The following SETD4 variants were observed in gnomAD, a reference collection of about 807,000 sequenced individuals.
SETD4 encodes the protein SET domain-containing protein 4.
Under a neutral mutation model 58.3 loss-of-function variants are expected in SETD4, and 46 were observed. The ratio of observed to expected loss-of-function variants is 0.79; its 90% confidence interval spans 0.62 to 1.01. The LOEUF (loss-of-function observed/expected upper bound fraction) is 1.01. Ranked by LOEUF, SETD4 falls within the 50% of genes least tolerant of loss-of-function variation. The probability of loss-of-function intolerance (pLI) is 0.00; values close to 1 mark genes in which losing one functional copy is unlikely to be tolerated. For missense variants in SETD4, 490 were observed against 523.3 expected, an observed-to-expected ratio of 0.94 and a Z score of 0.62; for synonymous variants, 190 against 202.6, an observed-to-expected ratio of 0.94 and a Z score of 0.53.
At position 36,051,160 on chromosome 21, in the gene SETD4, G is replaced by GT; in HGVS notation, c.207+2422dup. 2.5e-6 allele frequency: 4 copies of GT among 1,571,112 alleles called. No homozygotes were observed. The South Asian group carries it at 3.3e-5, about 13-fold the overall frequency. Reference sequence around the variant, plus strand: ...CTACCCTCTGGCCAGCTCACCCAGCGTATGTCCCTGCTCTCTGTGGTGTCC... The same window carrying GT: ...CTACCCTCTGGCCAGCTCACCCAGCGTTATGTCCCTGCTCTCTGTGGTGTCC... On this transcript the variant is annotated intron_variant, in intron 4 of 11. Coordinates refer to ENST00000332131, the MANE Select transcript of SETD4 (RefSeq NM_017438.5).
intron 6 of SETD4, among the ~76,000 whole-genome samples, chr21:36,044,846 A>C (rs1445129959): frequency 6.6e-6 from 1 of 152,156 alleles, no homozygotes; most frequent in African/African-American, 2.4e-5. Context: ...ACACACCCCA[A>C]AGTGGTTACA....
intron 1 of SETD4, 136 bp downstream of exon 1, chr21:36,060,211 T>C (rs1449878987): frequency 3.7e-6 from 3 of 819,246 alleles, no homozygotes; most frequent in East Asian, 2.5e-4. Context: ...CGATAATGCC[T>C]GCCCTGGAGG....
intron 4 of SETD4, 87 bp from the exon 5 acceptor site, chr21:36,048,483 A>G (rs1318591664): frequency 2.6e-6 from 3 of 1,169,198 alleles, no homozygotes; most frequent in Non-Finnish European, 3.9e-6. Context: ...TGATCCCACA[A>G]TCACCTACCA....
At chr21:36,047,113 G>A (rs1357722286) in intron 5 of SETD4, among the ~76,000 whole-genome samples, 1 of 152,072 alleles carries the variant, frequency 6.6e-6, no homozygotes, top group Non-Finnish European at 1.5e-5. Flanking sequence ...AAATTAGCAG[G>A]GCATGGTGGC....
At chr21:36,054,528 G>A (rs1041258557) in intron 3 of SETD4, among the ~76,000 whole-genome samples, 2 of 152,212 alleles carry the variant, frequency 1.3e-5, no homozygotes, top group Non-Finnish European at 2.9e-5. Flanking sequence ...CCCAGCTCAC[G>A]GTGGCTCACT....
intron 6 of SETD4, among the ~76,000 whole-genome samples, chr21:36,045,177 T>G (rs4817763): frequency 6.6e-6 from 1 of 152,116 alleles, no homozygotes; most frequent in Non-Finnish European, 1.5e-5. Context: ...AGCAAGTCAG[T>G]CAGCGATCAG....
chr21:36,050,754 C>G, intron 4 of SETD4: 3 of 1,612,438 alleles, frequency 1.9e-6, no homozygotes, highest in South Asian at 1.1e-5. Context: ...TTTGGCTGAT[C>G]TAAGCCATCT....
chr21:36,053,186 C>G (rs2064803683), intron 4 of SETD4: 1 of 209,760 alleles, frequency 4.8e-6, no homozygotes. Flanking sequence ...AGGAAGCCTG[C>G]CCTTCCTCAC....
chr21:36,038,983 T>C (rs2063914012), intron 9 of SETD4, among the ~76,000 whole-genome samples: 1 of 151,382 alleles, frequency 6.6e-6, no homozygotes, highest in African/African-American at 2.4e-5. Context: ...ACCGAGAATC[T>C]GGAAGTGGAA....
rs763992173 is a variant in SETD4 at position 36,057,091 on chromosome 21, C to G, written c.169+18G>C. ...TCTCGTGTGGGAAAGGGCAGGACAG[C>G]TGAAGGCTAGATCTTACCTGGAAAA... On this transcript the variant is annotated intron_variant, in intron 3 of 11. Transcript: ENST00000332131. 3.7e-6 allele frequency: 6 copies of G among 1,610,048 alleles called. No homozygotes were observed. In the South Asian group the frequency reaches 6.6e-5, roughly 18 times the overall value.
At chr21:36,041,113 T>C (rs551023206) in intron 8 of SETD4, among the ~76,000 whole-genome samples, 2 of 126,862 alleles carry the variant, frequency 1.6e-5, no homozygotes, top group East Asian at 4.5e-4. Flanking sequence ...TGAGCTGAGA[T>C]TGCGCCACTG....
chr21:36,035,982 A>C, intron 11 of SETD4, 22 bp from the exon 12 acceptor site: 5 of 1,189,438 alleles, frequency 4.2e-6, no homozygotes, highest in Non-Finnish European at 6.0e-6. Flanking sequence ...GCAAAAGGAA[A>C]AGGATTAAGT....
At chr21:36,055,869 C>A (rs943254159) in intron 3 of SETD4, among the ~76,000 whole-genome samples, 1 of 152,118 alleles carries the variant, frequency 6.6e-6, no homozygotes, top group African/African-American at 2.4e-5. Context: ...TGATTTTAAA[C>A]CCATCCTTCC....
chr21:36,038,495 G>T (rs150578753), intron 9 of SETD4, among the ~76,000 whole-genome samples: 3 of 152,270 alleles, frequency 2.0e-5, no homozygotes, highest in Middle Eastern at 6.8e-3. Context: ...AAAAGCACGG[G>T]GGGTGGGTAC....
Position 36,060,349 on chromosome 21 carries a change from AGGCGCCGGCGGCC to A in SETD4, c.-52_-40del, listed in dbSNP as rs2065233181. 5.9e-6 allele frequency: 1 copy of A among 168,274 alleles called. No individual in the cohort carries two copies. The highest frequency in any genetic ancestry group is 1.2e-5 in the Non-Finnish European group (1 of 82,754). 10.4% of individuals were successfully genotyped at this position (168,274 alleles called of 1,614,324 possible). A position where few individuals can be genotyped will look rare whatever the true frequency, so the allele number is the denominator to read the frequency against. On this transcript the variant is annotated 5_prime_UTR_variant, in exon 1 of 12. Coordinates refer to ENST00000332131, the MANE Select transcript of SETD4 (RefSeq NM_017438.5). The stretch of plus-strand genomic sequence containing the variant: ...ACCCGGAAGTCCTACTAGCTCACCT[AGGCGCCGGCGGCC>A]GCTTCCAAGATGGAGGCTGCAGTGG...
In SETD4 at chr21:36,045,983, C is replaced by T. The variant is rs778849920; in HGVS notation, c.325G>A (p.Ala109Thr). ...TCTGAAACTAAAAAGGTGCACAGCG[C>T]CAGCAGAGGAGATGGAGGAGGCTTC... Reference protein sequence around the residue: ...KWKPPPSPLLALCTFLVSEKH... With the variant: ...KWKPPPSPLLTLCTFLVSEKH... Residue 109 changes from alanine to threonine, a missense_variant, in exon 6 of 12, where the codon GCG becomes ACG. Ala to Thr is a moderately conservative substitution (Grantham distance 58, BLOSUM62 0). Coordinates refer to ENST00000332131, the MANE Select transcript of SETD4 (RefSeq NM_017438.5). 1.2e-6 allele frequency: 2 copies of T among 1,613,638 alleles called. No homozygotes were observed. The highest frequency in any genetic ancestry group is 1.7e-6 in the Non-Finnish European group (2 of 1,179,918).
intron 5 of SETD4, 107 bp from the exon 6 acceptor site, chr21:36,046,118 C>A: frequency 8.4e-7 from 1 of 1,193,134 alleles, no homozygotes; most frequent in South Asian, 1.5e-5. Context: ...ACTGTCAACA[C>A]ACTCAGTTTA....
At chr21:36,045,525 G>T in intron 6 of SETD4, 57 bp downstream of exon 6, 1 of 1,569,248 alleles carries the variant, frequency 6.4e-7, no homozygotes, top group South Asian at 1.2e-5. Context: ...CACAGGTTCT[G>T]GGCAGCGGAA....
chr21:36,059,077 T>C, intron 1 of SETD4, 153 bp from the exon 2 acceptor site: 1 of 927,710 alleles, frequency 1.1e-6, no homozygotes, highest in Non-Finnish European at 1.5e-6. Flanking sequence ...ACTGTTTCTC[T>C]CAAGTGCTTT....
Sources: gnomAD v4.1 joint callset for allele counts (sites outside exome capture counted in the v4.1 genomes callset) on GRCh38, gnomAD v4.1.1 for gene constraint, MANE v1.5 for transcripts, NCBI Gene and HGNC (gene_info 2026-07-23, HGNC 2026-07-21) for gene names.